The following FRMPD4 variants were observed in gnomAD, a reference collection of about 807,000 sequenced individuals.
FRMPD4 encodes FERM and PDZ domain containing 4.
A neutral mutation model predicts 94.1 loss-of-function variants in FRMPD4; 22 were observed. The observed-to-expected ratio is 0.23, with a 90% CI of 0.17 to 0.33. The LOEUF (loss-of-function observed/expected upper bound fraction) is 0.33, where lower values mean the gene tolerates loss of function less well. Ranked by LOEUF, FRMPD4 falls within the 10% of genes least tolerant of loss-of-function variation. The pLI, the probability that FRMPD4 is intolerant of heterozygous loss-of-function variation, is 1.00. For missense variants in FRMPD4, 1,111 were observed against 1,339.9 expected, an observed-to-expected ratio of 0.83 and a Z score of 2.67; for synonymous variants, 631 against 548.6, an observed-to-expected ratio of 1.15 and a Z score of -2.10.
At chrX:12,688,744 TC>T (rs1441768300) in intron 7 of FRMPD4, among the ~76,000 whole-genome samples, 1 of 57,785 alleles carries the variant, frequency 1.7e-5, no homozygotes, top group Non-Finnish European at 3.1e-5. Flanking sequence ...AGCAGGGAAA[TC>T]TTTTTTTTTT....
At chrX:12,581,382 TG>T (rs773015750) in intron 2 of FRMPD4, among the ~76,000 whole-genome samples, 168 of 111,731 alleles carry the variant, frequency 1.5e-3, no homozygotes, top group African/African-American at 5.4e-3. Flanking sequence ...GTGTAATAAA[TG>T]AAAAGATAGG....
chrX:12,418,225 G>C (rs1369323973), intron 1 of FRMPD4, among the ~76,000 whole-genome samples: 3 of 109,385 alleles, frequency 2.7e-5, no homozygotes, highest in Non-Finnish European at 5.7e-5. Flanking sequence ...TAATTCCCTT[G>C]CCATCACCAT....
intron 14 of FRMPD4, among the ~76,000 whole-genome samples, chrX:12,710,777 G>A (rs750744933): frequency 2.7e-5 from 3 of 110,504 alleles, no homozygotes; most frequent in East Asian, 2.8e-4. Flanking sequence ...ATAGTGGCAC[G>A]CACCTGTAAT....
chrX:12,342,573 A>G (rs1295808342), intron 1 of FRMPD4, among the ~76,000 whole-genome samples: 1 of 111,952 alleles, frequency 8.9e-6, no homozygotes, highest in African/African-American at 3.2e-5. Flanking sequence ...ACAAGCTCAC[A>G]CTGGGAAGGC....
At chrX:12,706,782 A>G in intron 11 of FRMPD4, 44 bp from the exon 12 acceptor site, 1 of 682,675 alleles carries the variant, frequency 1.5e-6, no homozygotes, top group Admixed American at 2.8e-5. Flanking sequence ...AAATGGAGTC[A>G]TACCCAATAG....
At chrX:12,622,020 AAGGAAGGAAGGAAGGAAGG>A (rs1569370143) in intron 4 of FRMPD4, among the ~76,000 whole-genome samples, 2 of 50,154 alleles carry the variant, frequency 4.0e-5, no homozygotes, top group African/African-American at 2.4e-4. Flanking sequence ...GAAAGAAAGG[AAGGAAGGAAGGAAGGAAGG>A]AAGGAAGGAA....
At chrX:12,268,827 G>A (rs1249872712) in intron 1 of FRMPD4, among the ~76,000 whole-genome samples, 3 of 111,900 alleles carry the variant, frequency 2.7e-5, no homozygotes, top group East Asian at 2.8e-4. Context: ...AGATTCCTAC[G>A]TTTCTTTTAA....
intron 2 of FRMPD4, among the ~76,000 whole-genome samples, chrX:12,553,689 G>C (rs2058565099): frequency 1.8e-5 from 2 of 108,515 alleles, no homozygotes; most frequent in Admixed American, 2.0e-4. Context: ...TGGAGTCTTT[G>C]TGGGGTCTGT....
chrX:12,661,579 A>G (rs1395148277), intron 4 of FRMPD4, among the ~76,000 whole-genome samples: 1 of 112,188 alleles, frequency 8.9e-6, no homozygotes, highest in Non-Finnish European at 1.9e-5. Context: ...AGAAATGACA[A>G]ATAGTCCCAT....
At chrX:12,513,249 T>C (rs1165744211) in intron 2 of FRMPD4, among the ~76,000 whole-genome samples, 1 of 112,438 alleles carries the variant, frequency 8.9e-6, no homozygotes, top group African/African-American at 3.2e-5. Flanking sequence ...TTTTTGTTTC[T>C]GTTGCAATTG....
In FRMPD4 at chrX:11,967,758, T is replaced by TG. The variant is rs1569134445; in HGVS notation, c.95+89740_95+89741insG. Reference sequence around the variant, plus strand: ...GATGTGTGTGTGTGTGTGTGTGTGTTTTTTTTTTTTTTTTTTTTTTAAGGA... The same window carrying TG: ...GATGTGTGTGTGTGTGTGTGTGTGTTGTTTTTTTTTTTTTTTTTTTTAAGGA... On this transcript the variant is annotated intron_variant, in intron 3 of 18. Transcript: ENST00000640291. Among the ~76,000 whole-genome samples the TG allele has an allele frequency of 8.0e-3, 615 of 76,762 alleles. 7 individuals are homozygous for TG. Among genetic ancestry groups the TG allele is most frequent in the African/African-American group, 0.037 (578 of 15,637 alleles). The allele number at this position is 76,762 out of a possible 115,157, so 66.7% of individuals were successfully genotyped here. A position where few individuals can be genotyped will look rare whatever the true frequency, so the allele number is the denominator to read the frequency against.
chrX:12,685,323 C>T (rs2060010784), intron 6 of FRMPD4, among the ~76,000 whole-genome samples: 1 of 111,819 alleles, frequency 8.9e-6, no homozygotes, highest in South Asian at 3.8e-4. Context: ...ACTCCTGGGA[C>T]TTATAGAACT....
In FRMPD4 at chrX:12,438,095, T is replaced by C. The variant is rs1044924665; in HGVS notation, c.42-60585T>C. On this transcript the variant is annotated intron_variant, in intron 1 of 16. Coordinates refer to ENST00000675598, the MANE Select transcript of FRMPD4 (RefSeq NM_001368397.1). ...TGCAGCCCTAAAAAGAATTAGAAGC[T>C]ATTTGGATTATATCCAACTATATTA... Among the ~76,000 whole-genome samples, 6 of 111,690 alleles carry C rather than the reference T, an allele frequency of 5.4e-5. No individual in the cohort carries two copies. In the East Asian group the frequency reaches 1.4e-3, roughly 26 times the overall value.
chrX:12,403,632 C>T (rs980380127), intron 1 of FRMPD4, among the ~76,000 whole-genome samples: 36 of 111,406 alleles, frequency 3.2e-4, no homozygotes, highest in African/African-American at 1.1e-3. Flanking sequence ...TGATCACTGT[C>T]GGCCCAGCAC....
rs947983005 is a variant in FRMPD4 at position 12,534,502 on chromosome X, C to T, written c.158+35706C>T. On this transcript the variant is annotated intron_variant, in intron 2 of 16. Coordinates refer to ENST00000675598, the MANE Select transcript of FRMPD4 (RefSeq NM_001368397.1). ...ACCTGGAAAAGCTGCAGGCACTCAA[C>T]ACCATCCCATGAAGGCAGCCAGGAG... Among the ~76,000 whole-genome samples, 5 of 112,432 alleles carry T rather than the reference C, an allele frequency of 4.4e-5. No individual in the cohort carries two copies. The South Asian group carries it at 1.5e-3, about 33-fold the overall frequency.
chrX:12,279,204 G>A (rs2054488218), intron 1 of FRMPD4, among the ~76,000 whole-genome samples: 1 of 112,662 alleles, frequency 8.9e-6, no homozygotes, highest in Non-Finnish European at 1.9e-5. Context: ...TGATGATGTA[G>A]TCTTGGGCTG....
intron 1 of FRMPD4, among the ~76,000 whole-genome samples, chrX:12,306,044 T>C (rs1262550387): frequency 4.9e-5 from 5 of 102,942 alleles, no homozygotes; most frequent in Non-Finnish European, 9.8e-5. Flanking sequence ...TCACAGGAGA[T>C]TTTGGTCGTT....
At chrX:12,415,067 C>G (rs1240677107) in intron 1 of FRMPD4, among the ~76,000 whole-genome samples, 2 of 110,589 alleles carry the variant, frequency 1.8e-5, no homozygotes, top group Non-Finnish European at 3.8e-5. Flanking sequence ...TGAGCACTAC[C>G]AAGATAAGGA....
chrX:12,643,793 T>C (rs1675675160), intron 4 of FRMPD4, among the ~76,000 whole-genome samples: 1 of 111,976 alleles, frequency 8.9e-6, no homozygotes, highest in African/African-American at 3.2e-5. Context: ...AGTTCTCCAT[T>C]ATTAAATCTT....
Sources: allele counts gnomAD v4.1 joint callset (sites outside exome capture counted in the v4.1 genomes callset), GRCh38; gene constraint gnomAD v4.1.1; transcripts MANE v1.5; gene names NCBI Gene and HGNC (gene_info 2026-07-23, HGNC 2026-07-21).